The following TRIM21 variants were observed in gnomAD, a reference collection of about 807,000 sequenced individuals.
The protein encoded by TRIM21 is E3 ubiquitin-protein ligase TRIM21.
A neutral mutation model predicts 36.1 loss-of-function variants in TRIM21; 35 were observed. The observed-to-expected ratio is 0.97, with a 90% CI of 0.74 to 1.28. The LOEUF (loss-of-function observed/expected upper bound fraction) is 1.28. Ranked by LOEUF, TRIM21 falls within the 50% of genes most tolerant of loss-of-function variation. The probability of loss-of-function intolerance (pLI) is 0.00; values close to 1 mark genes in which losing one functional copy is unlikely to be tolerated. For missense variants in TRIM21, 635 were observed against 570.7 expected (o/e 1.11, Z -1.15); for synonymous variants, 256 against 211.5 (o/e 1.21, Z -1.83).
intron 5 of TRIM21, 134 bp from the exon 6 acceptor site, chr11:4,386,391 A>C (rs1268570574): frequency 2.5e-6 from 2 of 788,940 alleles, no homozygotes; most frequent in African/African-American, 1.7e-5. Flanking sequence ...TCAAGTCTCC[A>C]GGAGTGGGTG....
chr11:4,387,308 C>A (rs536758393), intron 4 of TRIM21, among the ~76,000 whole-genome samples: 1 of 151,986 alleles, frequency 6.6e-6, no homozygotes, highest in Non-Finnish European at 1.5e-5. Context: ...GCACATAGCC[C>A]AGCTTGGCTT....
At chr11:4,388,171 T>C in intron 4 of TRIM21, 129 bp downstream of exon 4, 2 of 820,366 alleles carry the variant, frequency 2.4e-6, no homozygotes, top group Admixed American at 5.8e-5. Context: ...CTTTCATGGG[T>C]TTGAATTCTA....
chr11:4,387,256 T>TG (rs1564809771), intron 4 of TRIM21, among the ~76,000 whole-genome samples: 1 of 134,534 alleles, frequency 7.4e-6, no homozygotes, highest in Non-Finnish European at 1.7e-5. Flanking sequence ...GACCAGTTTT[T>TG]TTTTTTTTTC....
chr11:4,393,544 G>C (rs1051145670), intron 1 of TRIM21, 89 bp downstream of exon 1: 2 of 152,708 alleles, frequency 1.3e-5, no homozygotes, highest in Admixed American at 1.3e-4. Flanking sequence ...CTCAAGGATG[G>C]AGACTGGAAG....
At chr11:4,390,560 C>A in intron 1 of TRIM21, 102 bp from the exon 2 acceptor site, 4 of 727,120 alleles carry the variant, frequency 5.5e-6, no homozygotes, top group Non-Finnish European at 8.5e-6. Flanking sequence ...ACATTCTTCA[C>A]AAAAATAGGA....
chr11:4,388,669 A>G (rs1386479473), intron 3 of TRIM21, 139 bp from the exon 4 acceptor site: 1 of 756,110 alleles, frequency 1.3e-6, no homozygotes, highest in South Asian at 1.7e-5. Context: ...ATGCACACGC[A>G]CACGCGCGCA....
At chr11:4,387,158 T>C (rs751319910) in intron 4 of TRIM21, among the ~76,000 whole-genome samples, 168 bp from the exon 5 acceptor site, 2 of 151,994 alleles carry the variant, frequency 1.3e-5, no homozygotes, top group Non-Finnish European at 2.9e-5. Context: ...AGAAAGGATG[T>C]GTGGCTGCTT....
chr11:4,386,936 C>A (rs776919874), intron 5 of TRIM21, 32 bp downstream of exon 5: 12 of 1,574,200 alleles, frequency 7.6e-6, no homozygotes, highest in Non-Finnish European at 1.0e-5. Flanking sequence ...TTTCTGCTGG[C>A]CCCTCTTCTA....
At position 4,385,465 on chromosome 11, in the gene TRIM21, G is replaced by A; in HGVS notation, c.1248C>T (p.Gly416=). The A allele has an allele frequency of 1.2e-6, 2 of 1,612,426 alleles. No individual in the cohort carries two copies. Among genetic ancestry groups the A allele is most frequent in the Non-Finnish European group, 1.7e-6 (2 of 1,179,210 alleles). The change falls in exon 7 of 7, where the codon GGC becomes GGT. Residue 416 remains glycine, a synonymous_variant. Coordinates refer to ENST00000254436, the MANE Select transcript of TRIM21 (RefSeq NM_003141.4). ...CAGTGATGTTGTAGAAGGAGACCAT[G>A]CCAGCCTCATAGTCCAGGAAAATCC... ...QVGIFLDYEA[G]MVSFYNITDH...
intron 1 of TRIM21, among the ~76,000 whole-genome samples, chr11:4,391,956 G>C (rs1054680156): frequency 2.0e-5 from 3 of 152,048 alleles, no homozygotes; most frequent in African/African-American, 7.2e-5. Flanking sequence ...GTCTGTGTGT[G>C]GGGGAGAAGA....
chr11:4,385,124 G>A lies in TRIM21; in HGVS notation c.*161C>T, dbSNP rs1431717846. ...GGAATCACAAAGCCATCTGGGGCAG[G>A]AATGTTGATGGTGAAGTGACTTCCC... On this transcript the variant is annotated 3_prime_UTR_variant, in exon 7 of 7. Transcript: ENST00000254436. 3 of 648,502 alleles carry A rather than the reference G, an allele frequency of 4.6e-6. No individual in the cohort carries two copies. The highest frequency in any genetic ancestry group is 7.7e-6 in the Non-Finnish European group (3 of 389,326). 40.2% of individuals were successfully genotyped at this position (648,502 alleles called of 1,614,324 possible).
rs946044284 is a variant in TRIM21 at position 4,388,603 on chromosome 11, A to G, written c.505-73T>C. 8 of 1,442,786 alleles carry G rather than the reference A, an allele frequency of 5.5e-6. No homozygotes were observed. The African/African-American group carries it at 1.1e-4, about 20-fold the overall frequency. The allele number at this position is 1,442,786 out of a possible 1,614,324, so 89.4% of individuals were successfully genotyped here. A position where few individuals can be genotyped will look rare whatever the true frequency, so the allele number is the denominator to read the frequency against. On this transcript the variant is annotated intron_variant, in intron 3 of 6. Coordinates refer to ENST00000254436, the MANE Select transcript of TRIM21 (RefSeq NM_003141.4). ...AAGCTTTGGGAATGGAGGTATTGGT[A>G]CCTATTCCTATCCCCAAGAGACTCC...
Position 4,384,993 on chromosome 11 carries a change from T to A in TRIM21, c.*292A>T. On this transcript the variant is annotated 3_prime_UTR_variant, in exon 7 of 7. Transcript: ENST00000254436. Reference sequence around the variant, plus strand: ...CTCACCAAAGACGACATCCTAGAGATGGAGAGGAGAAAAAAAAAACTTAAG... The same window carrying A: ...CTCACCAAAGACGACATCCTAGAGAAGGAGAGGAGAAAAAAAAAACTTAAG... 2.8e-6 allele frequency: 1 copy of A among 355,380 alleles called. No homozygotes were observed. The highest frequency in any genetic ancestry group is 5.1e-6 in the Non-Finnish European group (1 of 197,904). The allele number at this position is 355,380 out of a possible 1,614,324, so 22.0% of individuals were successfully genotyped here.
At chr11:4,388,648 AAC>A (rs1420382795) in intron 3 of TRIM21, 118 bp from the exon 4 acceptor site, 25 of 963,566 alleles carry the variant, frequency 2.6e-5, no homozygotes, top group Non-Finnish European at 3.3e-5. Flanking sequence ...TGTCTGGGAA[AAC>A]ACACACACAT....
intron 3 of TRIM21, 84 bp downstream of exon 3, chr11:4,389,570 A>C (rs2094960221): frequency 8.6e-7 from 1 of 1,167,888 alleles, no homozygotes; most frequent in Non-Finnish European, 1.3e-6. Context: ...AGAGAGGCAC[A>C]GCTACGGTTA....
At chr11:4,387,395 G>A (rs552877821) in intron 4 of TRIM21, among the ~76,000 whole-genome samples, 3 of 152,250 alleles carry the variant, frequency 2.0e-5, no homozygotes, top group East Asian at 3.9e-4. Flanking sequence ...TTGTGGGCTA[G>A]CATTGTTTGG....
intron 6 of TRIM21, 31 bp from the exon 7 acceptor site, chr11:4,385,884 C>CA: frequency 6.4e-7 from 1 of 1,564,660 alleles, no homozygotes; most frequent in Non-Finnish European, 8.7e-7. Context: ...TCAGGCCTTG[C>CA]ATGGGGGGAG....
chr11:4,389,469 T>C (rs2094960118), intron 3 of TRIM21, among the ~76,000 whole-genome samples, 185 bp downstream of exon 3: 1 of 152,202 alleles, frequency 6.6e-6, no homozygotes, highest in South Asian at 2.1e-4. Context: ...AGCTCCCCTT[T>C]GAACCTGCAT....
Position 4,389,638 on chromosome 11 carries a change from A to G in TRIM21, c.504+16T>C, listed in dbSNP as rs551597214. ...AGCCTTCCAGCCTAAGATCTCCTTC[A>G]GGATGTCATTCTTACCTTCCAGTCT... is the stretch of plus-strand genomic sequence containing the variant. On this transcript the variant is annotated intron_variant, in intron 3 of 6. Transcript: ENST00000254436. 3.8e-4 allele frequency: 605 copies of G among 1,609,208 alleles called. 9 individuals are homozygous for G. In the South Asian group the frequency reaches 5.9e-3, roughly 16 times the overall value.
Sources: gnomAD v4.1 joint callset for allele counts (sites outside exome capture counted in the v4.1 genomes callset) on GRCh38, gnomAD v4.1.1 for gene constraint, MANE v1.5 for transcripts, NCBI Gene and HGNC (gene_info 2026-07-23, HGNC 2026-07-21) for gene names.